The following HS3ST4 variants were observed in gnomAD, a reference collection of about 807,000 sequenced individuals.
HS3ST4 encodes the protein heparan sulfate glucosamine 3-O-sulfotransferase 4.
Under a neutral mutation model 29.2 loss-of-function variants are expected in HS3ST4, and 17 were observed. The ratio of observed to expected loss-of-function variants is 0.58; its 90% CI spans 0.40 to 0.87. The LOEUF (loss-of-function observed/expected upper bound fraction) is 0.87, where lower values mean the gene tolerates loss of function less well. HS3ST4 is among the 40% of genes least tolerant of loss of function. The pLI, the probability that HS3ST4 is intolerant of heterozygous loss-of-function variation, is 0.00. For missense variants in HS3ST4, 627 were observed against 634.5 expected (o/e 0.99, Z 0.13); for synonymous variants, 314 against 285.7 (o/e 1.10, Z -1.00).
intron 1 of HS3ST4, among the ~76,000 whole-genome samples, chr16:26,055,267 G>A (rs1002163622): frequency 2.6e-5 from 4 of 152,158 alleles, no homozygotes; most frequent in Admixed American, 2.0e-4. Flanking sequence ...TTGAGAAGAT[G>A]TGTGGCTGTG....
intron 1 of HS3ST4, among the ~76,000 whole-genome samples, chr16:25,723,153 T>G (rs1966508950): frequency 6.6e-6 from 1 of 152,188 alleles, no homozygotes; most frequent in Non-Finnish European, 1.5e-5. Flanking sequence ...GAGGGAATTG[T>G]GGGAGCTACA....
At chr16:25,801,895 T>G (rs1247063045) in intron 1 of HS3ST4, among the ~76,000 whole-genome samples, 2 of 152,078 alleles carry the variant, frequency 1.3e-5, no homozygotes, top group Admixed American at 6.5e-5. Context: ...TTTTGTTTCT[T>G]CATACTCTCC....
intron 1 of HS3ST4, among the ~76,000 whole-genome samples, chr16:25,930,733 T>C (rs1387239369): frequency 6.6e-6 from 1 of 152,146 alleles, no homozygotes; most frequent in Non-Finnish European, 1.5e-5. Context: ...GACAAAGATA[T>C]ATTAGCCACT....
At chr16:25,800,947 A>G (rs771688147) in intron 1 of HS3ST4, among the ~76,000 whole-genome samples, 20 of 152,174 alleles carry the variant, frequency 1.3e-4, no homozygotes, top group Non-Finnish European at 2.2e-4. Flanking sequence ...ACTGCAAAAA[A>G]TACCTTTCTA....
chr16:25,967,118 C>T (rs2141704641), intron 1 of HS3ST4, among the ~76,000 whole-genome samples: 1 of 152,304 alleles, frequency 6.6e-6, no homozygotes, highest in Admixed American at 6.5e-5. Context: ...TTGAGAACCA[C>T]TGATCCAATG....
At chr16:25,716,846 G>A (rs1437559183) in intron 1 of HS3ST4, among the ~76,000 whole-genome samples, 1 of 152,172 alleles carries the variant, frequency 6.6e-6, no homozygotes, top group East Asian at 1.9e-4. Flanking sequence ...CTGAAGTTGG[G>A]AGTTTGAGAC....
chr16:26,122,917 G>C (rs1006986386), intron 1 of HS3ST4, among the ~76,000 whole-genome samples: 9 of 152,094 alleles, frequency 5.9e-5, no homozygotes, highest in Non-Finnish European at 8.8e-5. Flanking sequence ...AGCTGGGCGT[G>C]GTGGCGGGCG....
At chr16:26,107,838 G>A (rs573973471) in intron 1 of HS3ST4, among the ~76,000 whole-genome samples, 1 of 152,240 alleles carries the variant, frequency 6.6e-6, no homozygotes, top group African/African-American at 2.4e-5. Flanking sequence ...TTGTGAATTT[G>A]TGCTGTGATA....
At chr16:25,888,449 T>C (rs1967976507) in intron 1 of HS3ST4, among the ~76,000 whole-genome samples, 1 of 152,190 alleles carries the variant, frequency 6.6e-6, no homozygotes, top group Non-Finnish European at 1.5e-5. Context: ...GTTGCATCCT[T>C]TCTCCGCAGT....
intron 1 of HS3ST4, among the ~76,000 whole-genome samples, chr16:25,992,272 G>T (rs1430056367): frequency 6.6e-6 from 1 of 152,194 alleles, no homozygotes; most frequent in Non-Finnish European, 1.5e-5. Context: ...CGGAAACTTG[G>T]AAAAGATGAA....
intron 1 of HS3ST4, among the ~76,000 whole-genome samples, chr16:25,693,826 C>T (rs1281855050): frequency 1.3e-5 from 2 of 152,182 alleles, no homozygotes; most frequent in East Asian, 1.9e-4. Context: ...TGCCTCAGAC[C>T]GTGCCCTGTC....
Position 25,975,120 on chromosome 16 carries a change from A to G in HS3ST4, c.735-160492A>G, listed in dbSNP as rs188841282. Among the ~76,000 whole-genome samples the G allele has an allele frequency of 2.3e-4, 35 of 152,310 alleles. 1 individual carries two copies. The East Asian group carries it at 6.6e-3, about 29-fold the overall frequency. On this transcript the variant is annotated intron_variant, in intron 1 of 1. Transcript: ENST00000331351. ...GAATACTACAAAGCTGTAAAAAAGA[A>G]TGAAATCTTATCCTATGCAGTGATA...
chr16:25,913,933 A>G (rs4787785), intron 1 of HS3ST4, among the ~76,000 whole-genome samples: 105,652 of 149,540 alleles, frequency 0.71, 38,045 homozygotes, highest in African/African-American at 0.86. Flanking sequence ...GGGAGAGGCT[A>G]TGTGTGTGTG....
intron 1 of HS3ST4, among the ~76,000 whole-genome samples, chr16:26,033,758 A>T (rs1203621469): frequency 2.0e-5 from 3 of 152,048 alleles, no homozygotes; most frequent in African/African-American, 7.2e-5. Flanking sequence ...AAGGGAAGGA[A>T]GGAAGCAAAC....
In HS3ST4 at chr16:25,712,023, T is replaced by C. The variant is rs561452830; in HGVS notation, c.734+18872T>C. ...TTGCTTCTTTCACTTGAAAGTATATTATGACCATCTTTTTGTGTCAAAAAT... is the reference window on the plus strand; with the variant it reads ...TTGCTTCTTTCACTTGAAAGTATATCATGACCATCTTTTTGTGTCAAAAAT... On this transcript the variant is annotated intron_variant, in intron 1 of 1. Coordinates refer to ENST00000331351, the MANE Select transcript of HS3ST4 (RefSeq NM_006040.3). Among the ~76,000 whole-genome samples, 3 of 152,352 alleles carry C rather than the reference T, an allele frequency of 2.0e-5. No individual in the cohort carries two copies. In the South Asian group the frequency reaches 6.2e-4, roughly 32 times the overall value.
At chr16:25,709,202 C>T (rs1051154857) in intron 1 of HS3ST4, among the ~76,000 whole-genome samples, 2 of 151,904 alleles carry the variant, frequency 1.3e-5, no homozygotes, top group African/African-American at 2.4e-5. Context: ...CTCCTTGTGG[C>T]TGTAAAGTGG....
At chr16:25,739,068 G>T (rs575426789) in intron 1 of HS3ST4, among the ~76,000 whole-genome samples, 3 of 152,162 alleles carry the variant, frequency 2.0e-5, no homozygotes, top group Non-Finnish European at 2.9e-5. Flanking sequence ...GAGGTTGGGC[G>T]CAGTGGCTCA....
chr16:26,023,363 A>C lies in HS3ST4; in HGVS notation c.735-112249A>C, dbSNP rs1221624640. Reference sequence around the variant, plus strand: ...GCTCTGATAAGAAGAAGGTTATTCAAATAGATAGAAGAATAGAATTAAAAC... The same window carrying C: ...GCTCTGATAAGAAGAAGGTTATTCACATAGATAGAAGAATAGAATTAAAAC... On this transcript the variant is annotated intron_variant, in intron 1 of 1. Coordinates refer to ENST00000331351, the MANE Select transcript of HS3ST4 (RefSeq NM_006040.3). 4.6e-5 allele frequency among the ~76,000 whole-genome samples: 7 copies of C among 152,046 alleles called. No individual in the cohort carries two copies. The South Asian group carries it at 1.5e-3, about 32-fold the overall frequency.
rs1459941288 is a variant in HS3ST4 at position 26,136,376 on chromosome 16, C to A, written c.*128C>A. On this transcript the variant is annotated 3_prime_UTR_variant, in exon 2 of 2. Transcript: ENST00000331351. ...TAGATCTCCTCCTCCTTCATGCAGC[C>A]AGGATTGCCTCCAGTGCTGTTAGCT... 3 of 899,498 alleles carry A rather than the reference C, an allele frequency of 3.3e-6. No individual in the cohort carries two copies. Among genetic ancestry groups the A allele is most frequent in the Non-Finnish European group, 4.9e-6 (3 of 607,724 alleles). The allele number at this position is 899,498 out of a possible 1,614,324, so 55.7% of individuals were successfully genotyped here. A position where few individuals can be genotyped will look rare whatever the true frequency, so the allele number is the denominator to read the frequency against.
Sources: gnomAD v4.1 joint callset for allele counts (sites outside exome capture counted in the v4.1 genomes callset) on GRCh38, gnomAD v4.1.1 for gene constraint, MANE v1.5 for transcripts, NCBI Gene and HGNC (gene_info 2026-07-23, HGNC 2026-07-21) for gene names.